KMT2C: variants seen among roughly 807,000 people sequenced by gnomAD.
The protein encoded by KMT2C is lysine methyltransferase 2C.
KMT2C carries 88 observed loss-of-function variants against 507.9 expected under a neutral mutation model. The observed-to-expected ratio is 0.17, with a 90% CI of 0.15 to 0.21. The LOEUF (loss-of-function observed/expected upper bound fraction) is 0.21. Ranked by LOEUF, KMT2C falls within the 10% of genes least tolerant of loss-of-function variation. The pLI is 1.00. For missense variants in KMT2C, 4,954 were observed against 5,957.8 expected (o/e 0.83, Z 5.55); for synonymous variants, 2,049 against 2,080.8 (o/e 0.98, Z 0.42).
intron 1 of KMT2C, among the ~76,000 whole-genome samples, chr7:152,410,305 G>A (rs71217100): frequency 4.6e-5 from 7 of 152,388 alleles, no homozygotes; most frequent in South Asian, 2.1e-4. Context: ...CCAGCTACTC[G>A]GGAGGCTGAG....
intron 2 of KMT2C, among the ~76,000 whole-genome samples, chr7:152,352,562 T>C (rs1226044636): frequency 6.6e-6 from 1 of 152,220 alleles, no homozygotes; most frequent in Non-Finnish European, 1.5e-5. Flanking sequence ...TGCCCAGCTT[T>C]AAAATTTCTC....
At chr7:152,348,599 TAAAAAAAAAAAAAA>T (rs201530125) in intron 2 of KMT2C, among the ~76,000 whole-genome samples, 3 of 48,992 alleles carry the variant, frequency 6.1e-5, no homozygotes, top group South Asian at 7.7e-4. Context: ...AACTCTGTCT[TAAAAAAAAAAAAAA>T]AAAAAAAAAA....
intron 14 of KMT2C, among the ~76,000 whole-genome samples, chr7:152,245,606 A>T (rs1384650213): frequency 6.6e-6 from 1 of 152,200 alleles, no homozygotes; most frequent in Non-Finnish European, 1.5e-5. Context: ...TTGTACCTCC[A>T]GATAACATCT....
At chr7:152,201,293 G>GACACACACACACACACAC (rs3839689) in intron 26 of KMT2C, among the ~76,000 whole-genome samples, 1 of 136,950 alleles carries the variant, frequency 7.3e-6, no homozygotes, top group Non-Finnish European at 1.6e-5. Flanking sequence ...TACAGACACA[G>GACACACACACACACACAC]ACACACACAC....
intron 2 of KMT2C, among the ~76,000 whole-genome samples, chr7:152,336,972 T>G (rs1170142664): frequency 6.9e-6 from 1 of 144,176 alleles, no homozygotes; most frequent in African/African-American, 2.9e-5. Flanking sequence ...AGGTGGCACA[T>G]GTACAGTGGT....
intron 1 of KMT2C, among the ~76,000 whole-genome samples, chr7:152,384,578 C>A (rs1589627236): frequency 6.7e-6 from 1 of 148,380 alleles, no homozygotes; most frequent in Non-Finnish European, 1.5e-5. Context: ...ACCACCACCA[C>A]CACCACCACC....
chr7:152,334,123 A>G (rs1200182667), intron 2 of KMT2C, among the ~76,000 whole-genome samples: 1 of 152,236 alleles, frequency 6.6e-6, no homozygotes, highest in African/African-American at 2.4e-5. Context: ...GAATAGCTAA[A>G]TAACTCCAAA....
chr7:152,374,548 G>C (rs369429815), intron 1 of KMT2C, among the ~76,000 whole-genome samples: 33 of 152,196 alleles, frequency 2.2e-4, no homozygotes, highest in African/African-American at 8.0e-4. Context: ...TTAGCAAAGA[G>C]TGATAACACA....
intron 14 of KMT2C, among the ~76,000 whole-genome samples, chr7:152,242,315 T>C (rs2095401805): frequency 6.6e-6 from 1 of 152,218 alleles, no homozygotes; most frequent in South Asian, 2.1e-4. Flanking sequence ...CAATAAACAA[T>C]GAACTATGAT....
At chr7:152,373,904 GAAC>G (rs1485152528) in intron 1 of KMT2C, among the ~76,000 whole-genome samples, 9 of 152,016 alleles carry the variant, frequency 5.9e-5, no homozygotes, top group Non-Finnish European at 1.3e-4. Context: ...CAAAGGATAT[GAAC>G]AACAAATTCA....
intron 1 of KMT2C, among the ~76,000 whole-genome samples, chr7:152,379,501 G>A (rs916319885): frequency 2.0e-5 from 3 of 151,690 alleles, no homozygotes; most frequent in African/African-American, 4.8e-5. Flanking sequence ...TCATGCCACT[G>A]CACTCCAGCC....
chr7:152,433,142 C>G (rs2097880621), intron 1 of KMT2C, among the ~76,000 whole-genome samples: 1 of 147,474 alleles, frequency 6.8e-6, no homozygotes, highest in Non-Finnish European at 1.5e-5. Context: ...AGCAAGACTT[C>G]GTCCAGAAAA....
intron 2 of KMT2C, among the ~76,000 whole-genome samples, chr7:152,344,601 T>C (rs1019246580): frequency 6.6e-6 from 1 of 151,894 alleles, no homozygotes; most frequent in Non-Finnish European, 1.5e-5. Context: ...TAAACATATA[T>C]TACAAACTCT....
At chr7:152,421,932 T>C (rs576570943) in intron 1 of KMT2C, among the ~76,000 whole-genome samples, 2 of 151,820 alleles carry the variant, frequency 1.3e-5, no homozygotes, top group South Asian at 2.1e-4. Flanking sequence ...TCAGGTTTAT[T>C]AGAAAACTTT....
intron 8 of KMT2C, among the ~76,000 whole-genome samples, chr7:152,263,396 A>G (rs1283271871): frequency 3.3e-5 from 5 of 152,344 alleles, no homozygotes; most frequent in African/African-American, 1.2e-4. Context: ...CAAGATGAAT[A>G]GCCTCTGATC....
At chr7:152,175,422 A>G (rs2093158464) in intron 38 of KMT2C, among the ~76,000 whole-genome samples, 2 of 151,672 alleles carry the variant, frequency 1.3e-5, no homozygotes, top group South Asian at 2.1e-4. Context: ...GCACCCATCA[A>G]CCCGTCATCT....
At chr7:152,376,749 G>C (rs1430437452) in intron 1 of KMT2C, among the ~76,000 whole-genome samples, 1 of 152,264 alleles carries the variant, frequency 6.6e-6, no homozygotes, top group Non-Finnish European at 1.5e-5. Context: ...TGACATGGAA[G>C]CTGTAGCAAG....
intron 3 of KMT2C, among the ~76,000 whole-genome samples, chr7:152,322,083 G>T (rs1458707241): frequency 6.6e-6 from 1 of 151,464 alleles, no homozygotes; most frequent in Non-Finnish European, 1.5e-5. Context: ...CATACATCTG[G>T]ACAGGCATGG....
At chr7:152,305,973 T>C (rs1235586722) in intron 6 of KMT2C, among the ~76,000 whole-genome samples, 3 of 152,182 alleles carry the variant, frequency 2.0e-5, no homozygotes, top group Admixed American at 6.5e-5. Flanking sequence ...TCTCAGGGGA[T>C]AGAGGTAGGA....
Sources: gnomAD v4.1 joint callset for allele counts (sites outside exome capture counted in the v4.1 genomes callset) on GRCh38, gnomAD v4.1.1 for gene constraint, MANE v1.5 for transcripts, NCBI Gene and HGNC (gene_info 2026-07-23, HGNC 2026-07-21) for gene names.